The following NPHP1 variants were observed in gnomAD, a reference collection of about 807,000 sequenced individuals.
NPHP1 encodes the protein nephrocystin-1.
Under a neutral mutation model 90.4 loss-of-function variants are expected in NPHP1, and 70 were observed. The observed-to-expected ratio is 0.77, with a 90% CI of 0.64 to 0.95. The LOEUF is 0.95. Among genes scored for constraint, NPHP1 ranks in the 40% least tolerant of loss-of-function variants. The pLI, the probability that NPHP1 is intolerant of heterozygous loss-of-function variation, is 0.00. For synonymous variants in NPHP1, 256 were observed against 271.7 expected (o/e 0.94, Z 0.57); for missense variants, 764 against 795.9 (o/e 0.96, Z 0.48).
chr2:110,163,358 C>T, intron 8 of NPHP1: 1 of 542,928 alleles, frequency 1.8e-6, no homozygotes, highest in South Asian at 2.1e-5. Flanking sequence ...GCGTGCAGAG[C>T]TGTGTGTTCC....
At chr2:110,144,247 T>C (rs886878005) in intron 15 of NPHP1, 1 of 503,490 alleles carries the variant, frequency 2.0e-6, no homozygotes, top group Non-Finnish European at 3.6e-6. Context: ...CAGTGGTCAA[T>C]GAAAAGGAAC....
rs1683887985 is a variant in NPHP1, at chr2:110,181,261, T to C, written c.144-1577A>G. Among the ~76,000 whole-genome samples the C allele has an allele frequency of 3.3e-5, 5 of 152,190 alleles. No homozygotes were observed. In the South Asian group the frequency reaches 1.0e-3, roughly 31 times the overall value. ...CAGAAGAAAGAGTCCCCTCCTAATG[T>C]ATCATATGTGCTCTACCAAAAAGCA... On this transcript the variant is annotated intron_variant, in intron 2 of 19. Transcript: ENST00000445609.
At chr2:110,175,988 C>CA in intron 4 of NPHP1, among the ~76,000 whole-genome samples, 1 of 152,004 alleles carries the variant, frequency 6.6e-6, no homozygotes, top group East Asian at 1.9e-4. Flanking sequence ...TTCTATTAAA[C>CA]CACTCAGCAA....
At chr2:110,168,638 TGAAA>T in intron 5 of NPHP1, 85 bp from the exon 6 acceptor site, 1 of 952,134 alleles carries the variant, frequency 1.1e-6, no homozygotes, top group South Asian at 1.4e-5. Flanking sequence ...AAATATGTGC[TGAAA>T]AAAAGGCAAA....
At position 110,132,810 on chromosome 2, in the gene NPHP1, T is replaced by C. The variant is rs184168053; in HGVS notation, c.1530-1019A>G. On this transcript the variant is annotated intron_variant, in intron 16 of 19. Transcript: ENST00000445609. ...TATAACCTAAGGATGTTGTATGCAATACCAAGTTAAGTTGGTATTAGTTTA... is the reference window on the plus strand; with the variant it reads ...TATAACCTAAGGATGTTGTATGCAACACCAAGTTAAGTTGGTATTAGTTTA... 3.9e-5 allele frequency among the ~76,000 whole-genome samples: 6 copies of C among 152,312 alleles called. No homozygotes were observed. The East Asian group carries it at 1.2e-3, about 29-fold the overall frequency.
At chr2:110,180,471 T>G (rs1683812217) in intron 2 of NPHP1, among the ~76,000 whole-genome samples, 1 of 136,882 alleles carries the variant, frequency 7.3e-6, no homozygotes, top group East Asian at 2.1e-4. Context: ...TTTTTTTTTT[T>G]GCTTATAGAT....
intron 14 of NPHP1, among the ~76,000 whole-genome samples, chr2:110,146,066 G>A (rs925601437): frequency 9.2e-5 from 14 of 152,080 alleles, no homozygotes; most frequent in African/African-American, 3.4e-4. Context: ...CAGTTACATG[G>A]GTAGAGCTGG....
At chr2:110,184,984 C>A in intron 2 of NPHP1, 1 of 629,170 alleles carries the variant, frequency 1.6e-6, no homozygotes. Flanking sequence ...TCTTGGGAGG[C>A]TCTACCTTGT....
intron 10 of NPHP1, 72 bp from the exon 11 acceptor site, chr2:110,160,327 G>A (rs917566274): frequency 1.2e-5 from 15 of 1,287,372 alleles, no homozygotes; most frequent in Admixed American, 1.1e-4. Context: ...TTGTGAATTC[G>A]GCTTATGAAA....
intron 2 of NPHP1, among the ~76,000 whole-genome samples, chr2:110,200,996 T>C (rs1685539248): frequency 6.6e-6 from 1 of 152,156 alleles, no homozygotes; most frequent in Non-Finnish European, 1.5e-5. Context: ...TTTGATGTAG[T>C]TCATCACGTC....
intron 16 of NPHP1, among the ~76,000 whole-genome samples, chr2:110,142,118 T>G (rs558417286): frequency 6.6e-6 from 1 of 152,148 alleles, no homozygotes; most frequent in South Asian, 2.1e-4. Context: ...TGCAGAAAAT[T>G]TGTACACAAA....
At chr2:110,179,743 A>G in intron 2 of NPHP1, 59 bp from the exon 3 acceptor site, 1 of 805,984 alleles carries the variant, frequency 1.2e-6, no homozygotes, top group Non-Finnish European at 2.0e-6. Flanking sequence ...CCAGAAAGCT[A>G]TTTTATAAAA....
intron 2 of NPHP1, among the ~76,000 whole-genome samples, chr2:110,191,726 C>A (rs1684755335): frequency 6.6e-6 from 1 of 152,170 alleles, no homozygotes; most frequent in East Asian, 1.9e-4. Context: ...GGGTCCCTGA[C>A]CCCCAAGTAG....
intron 9 of NPHP1, among the ~76,000 whole-genome samples, chr2:110,162,476 G>A (rs538138461): frequency 6.6e-6 from 1 of 152,176 alleles, no homozygotes; most frequent in Admixed American, 6.5e-5. Flanking sequence ...GCCCTTCCAT[G>A]ACAACTCAAC....
chr2:110,144,287 T>G (rs895521548), intron 15 of NPHP1: 4 of 566,122 alleles, frequency 7.1e-6, no homozygotes, highest in Non-Finnish European at 6.3e-6. Context: ...CTTCATGATT[T>G]CATTCTTCAT....
chr2:110,165,119 C>T lies in NPHP1; in HGVS notation c.661G>A (p.Glu221Lys), dbSNP rs1682628995. Residue 221 changes from glutamate (E) to lysine (K), a missense_variant, in exon 7 of 20, where the codon GAA (glutamate) becomes AAA (lysine). Coordinates refer to ENST00000445609, the MANE Select transcript of NPHP1 (RefSeq NM_001128178.3). The part of the protein sequence containing the change: ...SEEEEGQESS[E>K]EGSEEDVEAV... ...TCTACATCTTCTTCACTGCCCTCTTCACTTGACTCTTGGCCTTCTTCTTCT... is the reference window on the plus strand; with the variant it reads ...TCTACATCTTCTTCACTGCCCTCTTTACTTGACTCTTGGCCTTCTTCTTCT... 6.2e-7 allele frequency: 1 copy of T among 1,613,780 alleles called. No homozygotes were observed. Among genetic ancestry groups the T allele is most frequent in the Non-Finnish European group, 8.5e-7 (1 of 1,179,754 alleles).
intron 11 of NPHP1, among the ~76,000 whole-genome samples, chr2:110,155,538 G>A (rs1357683937): frequency 6.6e-6 from 1 of 152,164 alleles, no homozygotes; most frequent in Non-Finnish European, 1.5e-5. Context: ...GTTATACCCT[G>A]CAAAACAACA....
intron 2 of NPHP1, chr2:110,184,756 C>G (rs3197353): frequency 1.1e-5 from 8 of 714,442 alleles, no homozygotes; most frequent in Non-Finnish European, 2.6e-6. Context: ...TATCCATAAA[C>G]CCCCAGAAGG....
At chr2:110,134,328 A>C (rs902311494) in intron 16 of NPHP1, among the ~76,000 whole-genome samples, 5 of 152,044 alleles carry the variant, frequency 3.3e-5, no homozygotes, top group Non-Finnish European at 7.4e-5. Flanking sequence ...ACAAGTAAGG[A>C]GATTGAATCA....
Sources: gnomAD v4.1 joint callset for allele counts (sites outside exome capture counted in the v4.1 genomes callset) on GRCh38, gnomAD v4.1.1 for gene constraint, MANE v1.5 for transcripts, NCBI Gene and HGNC (gene_info 2026-07-23, HGNC 2026-07-21) for gene names.